Variants in BLTP1 observed in about 807,000 individuals in gnomAD.
BLTP1 encodes bridge-like lipid transfer protein family member 1.
chr4:122,285,566 C>T, the BLTP1 span, among the ~76,000 whole-genome samples: 3 of 151,982 alleles, frequency 2.0e-5, no homozygotes, highest in Non-Finnish European at 4.4e-5. Flanking sequence ...ATTCTAGGTG[C>T]AAACATTAGT....
chr4:122,160,533 G>A, the BLTP1 span, among the ~76,000 whole-genome samples: 1 of 152,054 alleles, frequency 6.6e-6, no homozygotes, highest in Non-Finnish European at 1.5e-5. Flanking sequence ...CACATATTTT[G>A]TATACTTTAT....
chr4:122,264,486 C>G, the BLTP1 span: 3 of 1,432,404 alleles, frequency 2.1e-6, no homozygotes, highest in Non-Finnish European at 2.8e-6. Flanking sequence ...TGCTTAGCAA[C>G]TGGAACCTCC....
chr4:122,315,030 A>C, the BLTP1 span, among the ~76,000 whole-genome samples: 1 of 152,068 alleles, frequency 6.6e-6, no homozygotes, highest in African/African-American at 2.4e-5. Flanking sequence ...CCTCTTTCTT[A>C]TACATGGCAA....
chr4:122,328,727 A>G, the BLTP1 span: 1 of 984,116 alleles, frequency 1.0e-6, no homozygotes, highest in Non-Finnish European at 1.2e-6. Flanking sequence ...AGTTAAGAAA[A>G]GTAGTAAAGG....
chr4:122,299,356 A>G, the BLTP1 span, among the ~76,000 whole-genome samples: 1 of 152,220 alleles, frequency 6.6e-6, no homozygotes, highest in Non-Finnish European at 1.5e-5. Context: ...TAAAAAATAA[A>G]TAAGAACAGA....
At chr4:122,240,426 A>G in the BLTP1 span, 1 of 1,286,374 alleles carries the variant, frequency 7.8e-7, no homozygotes. Context: ...TTATTTTCAT[A>G]ATTACTCTCA....
chr4:122,258,727 T>C, the BLTP1 span: 1 of 1,613,822 alleles, frequency 6.2e-7, no homozygotes, highest in African/African-American at 1.3e-5. Flanking sequence ...CACAATGCTA[T>C]TAGAAGGAAC....
the BLTP1 span, among the ~76,000 whole-genome samples, chr4:122,358,657 C>T: frequency 2.0e-5 from 3 of 152,106 alleles, no homozygotes; most frequent in East Asian, 5.8e-4. Context: ...TGTGTTCTTA[C>T]GTAGTGCGTT....
the BLTP1 span, among the ~76,000 whole-genome samples, chr4:122,216,797 G>A: frequency 1.3e-5 from 2 of 151,862 alleles, no homozygotes; most frequent in African/African-American, 2.4e-5. Flanking sequence ...TTTTGTTTTC[G>A]TTGCATTTGC....
the BLTP1 span, among the ~76,000 whole-genome samples, chr4:122,286,033 C>T: frequency 1.0e-3 from 155 of 152,250 alleles, no homozygotes; most frequent in African/African-American, 3.5e-3. Context: ...GTCAAAGAGA[C>T]ATATGTTTGT....
At chr4:122,359,137 A>C in the BLTP1 span, among the ~76,000 whole-genome samples, 1 of 151,778 alleles carries the variant, frequency 6.6e-6, no homozygotes, top group East Asian at 1.9e-4. Context: ...ACCTAATGCT[A>C]AATGACGAGT....
At chr4:122,327,209 C>T in the BLTP1 span, among the ~76,000 whole-genome samples, 4 of 150,820 alleles carry the variant, frequency 2.7e-5, no homozygotes, top group Non-Finnish European at 5.9e-5. Context: ...CTGTAGTCAT[C>T]TCTCAATATC....
chr4:122,299,395 G>A, the BLTP1 span, among the ~76,000 whole-genome samples: 1 of 152,154 alleles, frequency 6.6e-6, no homozygotes, highest in East Asian at 1.9e-4. Context: ...AGTCATTTAA[G>A]GAAAGTGAGC....
the BLTP1 span, among the ~76,000 whole-genome samples, chr4:122,157,586 A>G: frequency 6.6e-6 from 1 of 152,164 alleles, no homozygotes; most frequent in Admixed American, 6.5e-5. Context: ...GGCAGAGCTC[A>G]GGTGGTAATC....
At chr4:122,238,301 G>T in the BLTP1 span, 2 of 1,614,056 alleles carry the variant, frequency 1.2e-6, no homozygotes, top group Non-Finnish European at 1.7e-6. Flanking sequence ...TGACCATTTG[G>T]TTCAAAAAGA....
At chr4:122,251,022 A>G in the BLTP1 span, 14 of 985,092 alleles carry the variant, frequency 1.4e-5, no homozygotes, top group Non-Finnish European at 1.7e-5. Context: ...TTTTATTTTT[A>G]TTATGGTAGA....
the BLTP1 span, chr4:122,199,828 G>A: frequency 1.4e-6 from 1 of 706,456 alleles, no homozygotes; most frequent in Non-Finnish European, 1.7e-6. Context: ...TTTAAATAAT[G>A]TAATTTATTG....
chr4:122,317,530 C>T, the BLTP1 span, among the ~76,000 whole-genome samples: 1 of 151,842 alleles, frequency 6.6e-6, no homozygotes, highest in African/African-American at 2.4e-5. Flanking sequence ...AGTAATACTT[C>T]TTCTATTACA....
the BLTP1 span, chr4:122,305,750 A>T: frequency 4.4e-6 from 6 of 1,360,478 alleles, no homozygotes; most frequent in South Asian, 8.2e-5. Flanking sequence ...AGGAATATAC[A>T]TTAACAGCTG....
Sources: gnomAD v4.1 joint callset for allele counts (sites outside exome capture counted in the v4.1 genomes callset) on GRCh38, gnomAD v4.1.1 for gene constraint, MANE v1.5 for transcripts, NCBI Gene and HGNC (gene_info 2026-07-23, HGNC 2026-07-21) for gene names.